Variants in PARD3B observed in about 807,000 individuals in gnomAD.
The protein encoded by PARD3B is partitioning defective 3 homolog B.
Under a neutral mutation model 130.2 loss-of-function variants are expected in PARD3B, and 103 were observed. The ratio of observed to expected loss-of-function variants is 0.79; its 90% CI spans 0.67 to 0.93. The LOEUF (loss-of-function observed/expected upper bound fraction) is 0.93. PARD3B is among the 40% of genes least tolerant of loss of function. PARD3B has a pLI of 0.00. For missense variants in PARD3B, 1,609 were observed against 1,499.2 expected (o/e 1.07, Z -1.21); for synonymous variants, 583 against 553.2 (o/e 1.05, Z -0.76).
In PARD3B at chr2:205,015,120, C is replaced by A. The variant is rs1394109023; in HGVS notation, c.395-32461C>A. 1.3e-5 allele frequency among the ~76,000 whole-genome samples: 2 copies of A among 152,152 alleles called. No individual in the cohort carries two copies. Among genetic ancestry groups the A allele is most frequent in the East Asian group, 3.9e-4 (2 of 5,174 alleles). On this transcript the variant is annotated intron_variant, in intron 3 of 22. Transcript: ENST00000406610. The surrounding 1 kb of genome is among the most constrained non-coding windows in gnomAD (Gnocchi z 4.5). ...CCAGAAGCCTTACCAATAACATAAA[C>A]AGTTGATTAACACCTATTTTGTATG...
chr2:204,988,154 A>G (rs1389940478), intron 3 of PARD3B, among the ~76,000 whole-genome samples: 1 of 152,230 alleles, frequency 6.6e-6, no homozygotes, highest in Non-Finnish European at 1.5e-5. Context: ...GTCAAGCCAG[A>G]GAAGACATTG....
chr2:205,354,020 CT>C (rs1377650603), intron 18 of PARD3B, among the ~76,000 whole-genome samples: 4 of 114,590 alleles, frequency 3.5e-5, no homozygotes, highest in African/African-American at 1.2e-4. Flanking sequence ...TTTTTCTTTT[CT>C]TTTCCTTTTT....
intron 18 of PARD3B, among the ~76,000 whole-genome samples, chr2:205,376,700 T>C (rs1197420712): frequency 6.6e-6 from 1 of 152,100 alleles, no homozygotes; most frequent in Non-Finnish European, 1.5e-5. Context: ...CCATGGGAGA[T>C]GTAAACGAAA....
At chr2:204,823,650 T>C (rs545064168) in intron 2 of PARD3B, among the ~76,000 whole-genome samples, 2 of 152,064 alleles carry the variant, frequency 1.3e-5, no homozygotes, top group Non-Finnish European at 2.9e-5. Context: ...TAGAACTACA[T>C]TGGGGGTGGC....
intron 3 of PARD3B, among the ~76,000 whole-genome samples, chr2:205,035,661 T>C (rs904780594): frequency 4.6e-5 from 7 of 151,670 alleles, no homozygotes; most frequent in Admixed American, 1.3e-4. Context: ...AATATTCTTA[T>C]ATTACTTACC....
intron 2 of PARD3B, among the ~76,000 whole-genome samples, chr2:204,731,461 A>G (rs2039503940): frequency 1.3e-5 from 2 of 152,228 alleles, no homozygotes; most frequent in African/African-American, 2.4e-5. Flanking sequence ...TTAGTGATAG[A>G]AGGTTTATAA....
At position 205,427,970 on chromosome 2, in the gene PARD3B, C is replaced by T. The variant is rs77191896; in HGVS notation, c.2742-12400C>T. Among the ~76,000 whole-genome samples the T allele has an allele frequency of 4.8e-3, 732 of 152,174 alleles. 3 individuals are homozygous for T. The highest frequency in any genetic ancestry group is 0.017 in the African/African-American group (703 of 41,502). ...ATCTGAATGTTTTTTTCGCCATCCC[C>T]CCAACTCTGTTCCCCACAGCAAATT... On this transcript the variant is annotated intron_variant, in intron 19 of 22. Transcript: ENST00000406610.
chr2:205,008,041 G>A (rs777940423), intron 3 of PARD3B, among the ~76,000 whole-genome samples: 8 of 152,040 alleles, frequency 5.3e-5, no homozygotes, highest in Non-Finnish European at 7.4e-5. Flanking sequence ...TTTGATACAT[G>A]AGAAGAGCTT....
chr2:204,774,653 A>G (rs1028019903), intron 2 of PARD3B, among the ~76,000 whole-genome samples: 4 of 152,152 alleles, frequency 2.6e-5, no homozygotes, highest in African/African-American at 7.2e-5. Context: ...TTCTCATCAG[A>G]TATGATTGGA....
intron 2 of PARD3B, among the ~76,000 whole-genome samples, chr2:204,713,650 T>C (rs756637729): frequency 6.6e-6 from 1 of 152,138 alleles, no homozygotes; most frequent in Non-Finnish European, 1.5e-5. Context: ...ATAAGTGGAA[T>C]TATATGATGT....
At chr2:205,285,280 C>G (rs1011976123) in intron 16 of PARD3B, among the ~76,000 whole-genome samples, 2 of 152,034 alleles carry the variant, frequency 1.3e-5, no homozygotes, top group East Asian at 1.9e-4. Flanking sequence ...TAAAGATTAG[C>G]TATCATTATT....
rs7605800 is a variant in PARD3B at position 205,369,995 on chromosome 2, C to T, written c.2631-31018C>T. On this transcript the variant is annotated intron_variant, in intron 18 of 22. Transcript: ENST00000406610. ...TCATGGCTCCTCCTAGAGACTTTGTCCCCAGAGCCCCTCCCTGCTGGACTG... is the reference window on the plus strand; with the variant it reads ...TCATGGCTCCTCCTAGAGACTTTGTTCCCAGAGCCCCTCCCTGCTGGACTG... Among the ~76,000 whole-genome samples the T allele has an allele frequency of 7.4e-3, 1,129 of 152,276 alleles. 16 individuals are homozygous for T. Among genetic ancestry groups the T allele is most frequent in the African/African-American group, 0.026 (1,067 of 41,556 alleles).
chr2:205,162,245 A>T (rs1008149381), intron 11 of PARD3B, among the ~76,000 whole-genome samples: 1 of 152,186 alleles, frequency 6.6e-6, no homozygotes, highest in Non-Finnish European at 1.5e-5. Context: ...GCTTAATCTC[A>T]ACTTGATATT....
chr2:205,180,571 A>C (rs1366938769), intron 13 of PARD3B, among the ~76,000 whole-genome samples: 1 of 151,536 alleles, frequency 6.6e-6, no homozygotes, highest in Non-Finnish European at 1.5e-5. Flanking sequence ...GAGCTGTTAC[A>C]GCCAAAACAT....
intron 4 of PARD3B, among the ~76,000 whole-genome samples, chr2:205,057,543 A>T (rs1244465697): frequency 6.8e-6 from 1 of 146,506 alleles, no homozygotes; most frequent in African/African-American, 2.5e-5. Flanking sequence ...ATATATGTAT[A>T]TGTGTATATG....
At chr2:205,615,291 G>GCTTC (rs2055384352) in intron 22 of PARD3B, among the ~76,000 whole-genome samples, 165 bp from the exon 23 acceptor site, 1 of 152,064 alleles carries the variant, frequency 6.6e-6, no homozygotes, top group Non-Finnish European at 1.5e-5. Context: ...AAGGGAAGAA[G>GCTTC]TTCCCTTCTC....
At chr2:205,431,148 C>T (rs2047318122) in intron 19 of PARD3B, among the ~76,000 whole-genome samples, 1 of 152,278 alleles carries the variant, frequency 6.6e-6, no homozygotes, top group Non-Finnish European at 1.5e-5. Context: ...ACGATCTTGG[C>T]TCACTGCAAC....
At chr2:204,698,125 G>C (rs187408742) in intron 2 of PARD3B, among the ~76,000 whole-genome samples, 3 of 152,158 alleles carry the variant, frequency 2.0e-5, no homozygotes, top group African/African-American at 7.2e-5. Context: ...AATTACACGG[G>C]CCATGTATTG....
chr2:205,551,565 C>A (rs1011884689), intron 21 of PARD3B, among the ~76,000 whole-genome samples: 2 of 152,036 alleles, frequency 1.3e-5, no homozygotes, highest in Non-Finnish European at 2.9e-5. Context: ...CCTGTTCCAC[C>A]TATTGATGAA....
Sources: gnomAD v4.1 joint callset for allele counts (sites outside exome capture counted in the v4.1 genomes callset) on GRCh38, gnomAD v4.1.1 for gene constraint, Gnocchi (gnomAD v3.1) non-coding constraint, MANE v1.5 for transcripts, NCBI Gene and HGNC (gene_info 2026-07-23, HGNC 2026-07-21) for gene names.